Variants in PCDH7 observed in about 807,000 individuals in gnomAD.
PCDH7 encodes the protein protocadherin 7.
PCDH7 carries 17 observed loss-of-function variants against 58.9 expected under a neutral mutation model. The ratio of observed to expected loss-of-function variants is 0.29; its 90% CI spans 0.20 to 0.43. The LOEUF (loss-of-function observed/expected upper bound fraction) is 0.43. Among genes scored for constraint, PCDH7 ranks in the 20% least tolerant of loss-of-function variants. PCDH7 has a pLI of 1.00. For synonymous variants in PCDH7, 664 were observed against 616.4 expected (o/e 1.08, Z -1.14); for missense variants, 1,274 against 1,441.0 (o/e 0.88, Z 1.88).
intron 1 of PCDH7, among the ~76,000 whole-genome samples, chr4:30,849,596 T>A (rs1732449476): frequency 6.6e-6 from 1 of 152,172 alleles, no homozygotes; most frequent in South Asian, 2.1e-4. Context: ...ATGAGCTATA[T>A]AATTTTGTAA....
chr4:30,777,061 G>T (rs931090446), intron 1 of PCDH7, among the ~76,000 whole-genome samples: 3 of 152,114 alleles, frequency 2.0e-5, no homozygotes, highest in African/African-American at 7.2e-5. Context: ...TCACTCATTG[G>T]AAAGGCAGTG....
chr4:30,727,943 T>G (rs144172675), intron 1 of PCDH7, among the ~76,000 whole-genome samples: 1 of 152,016 alleles, frequency 6.6e-6, no homozygotes, highest in East Asian at 1.9e-4. Context: ...AGTAAAAATT[T>G]TATTGTATTT....
chr4:31,080,183 T>A (rs1759382609), intron 3 of PCDH7, among the ~76,000 whole-genome samples: 1 of 152,176 alleles, frequency 6.6e-6, no homozygotes, highest in Non-Finnish European at 1.5e-5. Context: ...TCTACCACTT[T>A]TTAAAATGCT....
intron 1 of PCDH7, among the ~76,000 whole-genome samples, chr4:30,860,511 CTT>C (rs1379514600): frequency 1.3e-5 from 2 of 151,672 alleles, no homozygotes; most frequent in African/African-American, 4.8e-5. Context: ...ATTCATTTTA[CTT>C]TTCAACTTGT....
intron 3 of PCDH7, among the ~76,000 whole-genome samples, chr4:31,035,523 G>A (rs1755336019): frequency 6.6e-6 from 1 of 152,150 alleles, no homozygotes; most frequent in Non-Finnish European, 1.5e-5. Context: ...CAAAGTGCTG[G>A]GATCACAGGC....
intron 3 of PCDH7, among the ~76,000 whole-genome samples, chr4:31,018,321 C>T (rs530128879): frequency 1.3e-5 from 2 of 152,132 alleles, no homozygotes; most frequent in Admixed American, 6.6e-5. Context: ...CAGAAAACCA[C>T]GATGTTTGAA....
At chr4:30,780,113 G>A (rs1383318931) in intron 1 of PCDH7, among the ~76,000 whole-genome samples, 1 of 152,050 alleles carries the variant, frequency 6.6e-6, no homozygotes, top group African/African-American at 2.4e-5. Context: ...TCTAAAGCTG[G>A]GATCCATTCT....
chr4:30,725,761 C>T (rs927554584), intron 1 of PCDH7, among the ~76,000 whole-genome samples: 10 of 151,796 alleles, frequency 6.6e-5, no homozygotes, highest in South Asian at 4.2e-4. Flanking sequence ...ATGTGGAATC[C>T]GAGAAGAATT....
chr4:30,823,154 C>G (rs1039498368), intron 1 of PCDH7, among the ~76,000 whole-genome samples: 5 of 152,048 alleles, frequency 3.3e-5, no homozygotes, highest in African/African-American at 9.7e-5. Context: ...CCTTTTGCTT[C>G]GCAGGGTTGA....
intron 3 of PCDH7, among the ~76,000 whole-genome samples, chr4:31,130,075 A>G (rs780214073): frequency 1.3e-5 from 2 of 152,212 alleles, no homozygotes; most frequent in Non-Finnish European, 2.9e-5. Context: ...TATTTATTAG[A>G]GTTGTGCCCT....
intron 3 of PCDH7, among the ~76,000 whole-genome samples, chr4:30,993,536 T>G (rs1751628821): frequency 6.6e-6 from 1 of 152,168 alleles, no homozygotes; most frequent in East Asian, 1.9e-4. Context: ...AACCCATTCC[T>G]AATGTAAGTA....
At chr4:30,863,470 C>T (rs971125904) in intron 1 of PCDH7, among the ~76,000 whole-genome samples, 8 of 151,978 alleles carry the variant, frequency 5.3e-5, no homozygotes, top group Non-Finnish European at 1.0e-4. Flanking sequence ...ATGATCGTCA[C>T]GCACAAATGT....
chr4:30,797,439 A>AT (rs1171850897), intron 1 of PCDH7, among the ~76,000 whole-genome samples: 25 of 151,364 alleles, frequency 1.7e-4, no homozygotes, highest in Middle Eastern at 3.4e-3. Flanking sequence ...CGCCCGGCTA[A>AT]TTTTTTTTGT....
At chr4:30,778,146 T>A (rs1161841377) in intron 1 of PCDH7, among the ~76,000 whole-genome samples, 1 of 152,148 alleles carries the variant, frequency 6.6e-6, no homozygotes, top group African/African-American at 2.4e-5. Flanking sequence ...TCTTATATAC[T>A]AAGTATCATT....
chr4:31,119,497 G>A (rs1717394875), intron 3 of PCDH7, among the ~76,000 whole-genome samples: 1 of 151,960 alleles, frequency 6.6e-6, no homozygotes, highest in East Asian at 1.9e-4. Context: ...GGGGCATAAG[G>A]CAGAAGAAGT....
chr4:30,998,517 T>G (rs1370059973), intron 3 of PCDH7, among the ~76,000 whole-genome samples: 2 of 152,110 alleles, frequency 1.3e-5, no homozygotes, highest in South Asian at 2.1e-4. Context: ...TTTCTCAAAA[T>G]CTGGTTCTCA....
In PCDH7 at chr4:30,723,430, C is replaced by T; in HGVS notation, c.2008C>T (p.Arg670Trp). 1 of 1,614,050 alleles carries T rather than the reference C, an allele frequency of 6.2e-7. No homozygotes were observed. Among genetic ancestry groups the T allele is most frequent in the Non-Finnish European group, 8.5e-7 (1 of 1,180,010 alleles). ...CACCGTGATGGATGCTGACAAGGGG[C>T]GGAATGCAGAGATGAGCCTGTACAT... The change falls in exon 1 of 2, where the codon CGG becomes TGG. Residue 670 changes from arginine (R) to tryptophan (W), a missense_variant. Arg to Trp is a moderately radical substitution (Grantham distance 101, BLOSUM62 -3). Coordinates refer to ENST00000361762, the Ensembl canonical transcript of PCDH7. The surrounding 1 kb of genome is among the most constrained non-coding windows in gnomAD (Gnocchi z 4.6).
Position 30,960,085 on chromosome 4 carries a change from G to T in PCDH7, c.*7+9870G>T, listed in dbSNP as rs1748239843. 4.3e-5 allele frequency among the ~76,000 whole-genome samples: 6 copies of T among 138,948 alleles called. No individual in the cohort carries two copies. In the Admixed American group the frequency reaches 4.5e-4, roughly 10 times the overall value. 91.2% of individuals were successfully genotyped at this position (138,948 alleles called of 152,430 possible). A position where few individuals can be genotyped will look rare whatever the true frequency, so the allele number is the denominator to read the frequency against. ...GATAGTTAGAAAAGGAGGGGAGGAA[G>T]GAAGGAAGGAAGGAAGAAAGGAAGG... On this transcript the variant is annotated intron_variant, in intron 3 of 3. Transcript: ENST00000509759.
downstream of PCDH7, among the ~76,000 whole-genome samples, chr4:30,736,215 C>T (rs1355530181): frequency 3.3e-5 from 5 of 152,028 alleles, no homozygotes; most frequent in African/African-American, 1.2e-4. Context: ...TTGGAAGAAA[C>T]TTGAAAAAAT....
Sources: gnomAD v4.1 joint callset for allele counts (sites outside exome capture counted in the v4.1 genomes callset) on GRCh38, gnomAD v4.1.1 for gene constraint, Gnocchi (gnomAD v3.1) non-coding constraint, MANE v1.5 for transcripts, NCBI Gene and HGNC (gene_info 2026-07-23, HGNC 2026-07-21) for gene names.